The following TULP4 variants were observed in gnomAD, a reference collection of about 807,000 sequenced individuals.
TULP4 encodes tubby-related protein 4.
In TULP4, 16 loss-of-function variants were observed where a neutral mutation model predicts 129.0. That is an observed-to-expected ratio of 0.12 (90% CI 0.08 to 0.19). The LOEUF (loss-of-function observed/expected upper bound fraction) is 0.19, where lower values mean the gene tolerates loss of function less well. Among genes scored for constraint, TULP4 ranks in the 10% least tolerant of loss-of-function variants. The pLI is 1.00. For synonymous variants in TULP4, 998 were observed against 854.0 expected (o/e 1.17, Z -2.94); for missense variants, 1,842 against 2,059.1 (o/e 0.89, Z 2.04).
intron 6 of TULP4, among the ~76,000 whole-genome samples, chr6:158,478,601 C>A (rs1374909949): frequency 1.3e-5 from 2 of 152,152 alleles, no homozygotes; most frequent in Non-Finnish European, 2.9e-5. Flanking sequence ...GACTCCTTGG[C>A]CAACAAACAC....
chr6:158,275,452 T>C (rs1301421701), intron 1 of TULP4, among the ~76,000 whole-genome samples: 1 of 152,184 alleles, frequency 6.6e-6, no homozygotes, highest in Non-Finnish European at 1.5e-5. Flanking sequence ...GGTCCCACAC[T>C]GACCCTCACC....
At chr6:158,432,058 C>T (rs1296992609) in intron 3 of TULP4, among the ~76,000 whole-genome samples, 4 of 141,996 alleles carry the variant, frequency 2.8e-5, no homozygotes, top group African/African-American at 7.9e-5. Context: ...CAGGAGTTCT[C>T]GAGACCAGCC....
At chr6:158,343,369 C>T (rs1754414) in intron 1 of TULP4, among the ~76,000 whole-genome samples, 131,055 of 152,176 alleles carry the variant, frequency 0.86, 56,868 homozygotes, top group South Asian at 0.93. Context: ...CCAAATGCAA[C>T]GGAAGGTAAT....
chr6:158,290,660 T>C (rs1305855421), intron 1 of TULP4, among the ~76,000 whole-genome samples: 2 of 152,244 alleles, frequency 1.3e-5, no homozygotes, highest in Non-Finnish European at 2.9e-5. Flanking sequence ...GATTGCCCTT[T>C]AAATTTTACC....
rs758919412 is a variant in TULP4, at chr6:158,501,958, C to A, written c.2295C>A (p.Arg765=). The change falls in exon 13 of 14, where the codon CGC becomes CGA. Residue 765 remains arginine (R), a synonymous_variant. Transcript: ENST00000367097. ...TTTTCGGAAGCGTGGAAATGGGCCGCATCATTCAGAACCCCCCTCCACTGT... is the reference window on the plus strand; with the variant it reads ...TTTTCGGAAGCGTGGAAATGGGCCGAATCATTCAGAACCCCCCTCCACTGT... The part of the protein sequence containing the change: ...QVIFGSVEMG[R]IIQNPPPLSL... The A allele has an allele frequency of 6.2e-7, 1 of 1,613,982 alleles. No individual in the cohort carries two copies. The highest frequency in any genetic ancestry group is 1.1e-5 in the South Asian group (1 of 91,080).
chr6:158,313,459 G>GA lies in TULP4; in HGVS notation c.-555dup, dbSNP rs956390143. ...AGCAGCAGAAATTTGTCTAGTTCAGGAAACATGCTAGAGGGTGGCTTCAGA... is the reference window on the plus strand; with the variant it reads ...AGCAGCAGAAATTTGTCTAGTTCAGGAAAACATGCTAGAGGGTGGCTTCAGA... On this transcript the variant is annotated 5_prime_UTR_variant, in exon 1 of 14. The change abolishes the stop of an existing upstream ORF in the 5' untranslated region. Coordinates refer to ENST00000367097, the MANE Select transcript of TULP4 (RefSeq NM_020245.5). 11 of 399,310 alleles carry GA rather than the reference G, an allele frequency of 2.8e-5. No homozygotes were observed. Among genetic ancestry groups the GA allele is most frequent in the African/African-American group, 2.1e-4 (10 of 48,608 alleles). The allele number at this position is 399,310 out of a possible 1,614,324, so 24.7% of individuals were successfully genotyped here. A position where few individuals can be genotyped will look rare whatever the true frequency, so the allele number is the denominator to read the frequency against.
At chr6:158,385,797 A>G (rs1271665118) in intron 1 of TULP4, among the ~76,000 whole-genome samples, 11 of 144,090 alleles carry the variant, frequency 7.6e-5, no homozygotes, top group East Asian at 2.0e-4. Flanking sequence ...ATATGATGAC[A>G]TGCAGCTCAG....
chr6:158,388,266 G>A (rs575665024), intron 1 of TULP4, among the ~76,000 whole-genome samples: 17 of 150,056 alleles, frequency 1.1e-4, no homozygotes, highest in South Asian at 4.2e-4. Flanking sequence ...ATAGAAGATT[G>A]GTAATAAAAT....
At chr6:158,454,332 T>C (rs1297581507) in intron 5 of TULP4, among the ~76,000 whole-genome samples, 2 of 152,246 alleles carry the variant, frequency 1.3e-5, no homozygotes, top group African/African-American at 2.4e-5. Flanking sequence ...TAATTCCTAA[T>C]GTATTTATAA....
chr6:158,241,205 C>T (rs535815909), intron 1 of TULP4, among the ~76,000 whole-genome samples: 9 of 127,000 alleles, frequency 7.1e-5, no homozygotes, highest in South Asian at 2.6e-4. Context: ...TGGGAAGAGG[C>T]GCTCCTCACT....
Position 158,511,298 on chromosome 6 carries a change from T to G in TULP4, c.*4604T>G, listed in dbSNP as rs1780735415. On this transcript the variant is annotated 3_prime_UTR_variant, in exon 14 of 14. Coordinates refer to ENST00000367097, the MANE Select transcript of TULP4 (RefSeq NM_020245.5). The stretch of plus-strand genomic sequence containing the variant: ...CACTGTATTATTTACCAAAGGGGTA[T>G]TGTTTTTGCATTTGTTTATAAATGC... 6.6e-6 allele frequency: 1 copy of G among 152,652 alleles called. No individual in the cohort carries two copies. Among genetic ancestry groups the G allele is most frequent in the Non-Finnish European group, 1.5e-5 (1 of 68,042 alleles). The allele number at this position is 152,652 out of a possible 1,614,324, so 9.5% of individuals were successfully genotyped here. A position where few individuals can be genotyped will look rare whatever the true frequency, so the allele number is the denominator to read the frequency against.
Position 158,234,088 on chromosome 6 carries a change from A to C in TULP4, n.68+1785A>C, listed in dbSNP as rs980338860. ...TGCTTCCTGTGGTTGAGAAATACGA[A>C]CTTTATGCATTTACTATTGTTTATT... On this transcript the variant is annotated intron_variant and non_coding_transcript_variant, in intron 1 of 1. Transcript: ENST00000620026. 2.0e-5 allele frequency among the ~76,000 whole-genome samples: 3 copies of C among 152,306 alleles called. No individual in the cohort carries two copies. In the South Asian group the frequency reaches 6.2e-4, roughly 32 times the overall value.
intron 2 of TULP4, among the ~76,000 whole-genome samples, chr6:158,420,215 A>G (rs1370425372): frequency 6.6e-6 from 1 of 152,248 alleles, no homozygotes; most frequent in African/African-American, 2.4e-5. Context: ...TTTGAATTTT[A>G]TGTAATTTCA....
intron 1 of TULP4, among the ~76,000 whole-genome samples, chr6:158,275,249 T>C (rs1175821451): frequency 6.6e-6 from 1 of 152,190 alleles, no homozygotes; most frequent in Non-Finnish European, 1.5e-5. Flanking sequence ...TTCCTCTTAG[T>C]CCTGCCCATC....
intron 1 of TULP4, among the ~76,000 whole-genome samples, chr6:158,286,268 A>G (rs972364194): frequency 3.3e-5 from 5 of 152,208 alleles, no homozygotes; most frequent in African/African-American, 9.6e-5. Context: ...TAAAATTCAG[A>G]TTTATCAAAA....
chr6:158,496,416 C>T (rs1780339423), intron 11 of TULP4, among the ~76,000 whole-genome samples: 1 of 152,166 alleles, frequency 6.6e-6, no homozygotes. Context: ...TTAAATAGTG[C>T]TGCATTTGAG....
At chr6:158,290,237 A>G (rs1348248436) in intron 1 of TULP4, among the ~76,000 whole-genome samples, 1 of 152,190 alleles carries the variant, frequency 6.6e-6, no homozygotes, top group Non-Finnish European at 1.5e-5. Context: ...TGGGGTGAGA[A>G]GACATCTGCT....
rs569164234 is a variant in TULP4 at position 158,253,486 on chromosome 6, T to TGG, written n.68+21184_68+21185dup. Among the ~76,000 whole-genome samples the TGG allele has an allele frequency of 1.5e-3, 234 of 152,184 alleles. 3 individuals are homozygous for TGG. The highest frequency in any genetic ancestry group is 5.1e-3 in the African/African-American group (211 of 41,538). On this transcript the variant is annotated intron_variant and non_coding_transcript_variant, in intron 1 of 1. Transcript: ENST00000620026. Reference sequence around the variant, plus strand: ...TAGGCAGAGCAGGCTGCATGTTGAGTGGCTTCATGTCAGGTGGGCTACCTG... The same window carrying TGG: ...TAGGCAGAGCAGGCTGCATGTTGAGTGGGGCTTCATGTCAGGTGGGCTACCTG...
At chr6:158,331,827 A>G (rs1037430378) in intron 1 of TULP4, among the ~76,000 whole-genome samples, 1 of 143,814 alleles carries the variant, frequency 7.0e-6, no homozygotes, top group Non-Finnish European at 1.5e-5. Context: ...TCTGGGTTCA[A>G]TTAGGAGACG....
Sources: allele counts gnomAD v4.1 joint callset (sites outside exome capture counted in the v4.1 genomes callset), GRCh38; gene constraint gnomAD v4.1.1; transcripts MANE v1.5; gene names NCBI Gene and HGNC (gene_info 2026-07-23, HGNC 2026-07-21).